The following NR1H4 variants were observed in gnomAD, a reference collection of about 807,000 sequenced individuals.
NR1H4 encodes bile acid receptor.
In NR1H4, 23 loss-of-function variants were observed where a neutral mutation model predicts 58.5. That is an observed-to-expected ratio of 0.39 (90% CI 0.28 to 0.56). NR1H4 has a LOEUF of 0.56. Among genes scored for constraint, NR1H4 ranks in the 20% least tolerant of loss-of-function variants. The pLI is 0.58. For missense variants in NR1H4, 487 were observed against 576.9 expected (o/e 0.84, Z 1.60); for synonymous variants, 214 against 198.0 (o/e 1.08, Z -0.68).
chr12:100,560,656 A>G (rs1955449664), intron 9 of NR1H4, among the ~76,000 whole-genome samples: 1 of 152,224 alleles, frequency 6.6e-6, no homozygotes, highest in Admixed American at 6.5e-5. Context: ...CCGCGGCTTC[A>G]TTCTTGAAGT....
chr12:100,487,382 G>A (rs915537884), intron 1 of NR1H4, among the ~76,000 whole-genome samples: 2 of 152,084 alleles, frequency 1.3e-5, no homozygotes, highest in African/African-American at 4.8e-5. Flanking sequence ...ATGAAGGAAT[G>A]CTTAAAGTTG....
At chr12:100,516,858 C>A (rs887854906) in intron 4 of NR1H4, among the ~76,000 whole-genome samples, 1 of 152,138 alleles carries the variant, frequency 6.6e-6, no homozygotes, top group Non-Finnish European at 1.5e-5. Context: ...TAGTAATACA[C>A]TTATTAATTC....
chr12:100,541,920 T>C (rs1305383838), intron 9 of NR1H4, among the ~76,000 whole-genome samples: 1 of 152,144 alleles, frequency 6.6e-6, no homozygotes, highest in African/African-American at 2.4e-5. Context: ...TTTCTAAATA[T>C]ATGATTTCAT....
chr12:100,556,334 G>A (rs776361652), intron 9 of NR1H4, among the ~76,000 whole-genome samples: 24 of 151,812 alleles, frequency 1.6e-4, no homozygotes, highest in Non-Finnish European at 2.6e-4. Flanking sequence ...GGGCATGGTG[G>A]TGCATGCCTG....
chr12:100,520,616 G>A (rs1168891662), intron 4 of NR1H4, among the ~76,000 whole-genome samples: 1 of 152,116 alleles, frequency 6.6e-6, no homozygotes, highest in Non-Finnish European at 1.5e-5. Context: ...ATCTGCACCT[G>A]CAAACAATGA....
chr12:100,499,161 G>A (rs1327292117), intron 3 of NR1H4, among the ~76,000 whole-genome samples: 1 of 152,178 alleles, frequency 6.6e-6, no homozygotes, highest in Non-Finnish European at 1.5e-5. Context: ...TCAGTCAGAT[G>A]TTTTAAAATG....
Position 100,561,857 on chromosome 12 carries a change from G to A in NR1H4, c.1079-28G>A, listed in dbSNP as rs138376481. 1.5e-4 allele frequency: 136 copies of A among 919,994 alleles called. 1 individual carries two copies. In the African/African-American group the frequency reaches 1.8e-3, roughly 12 times the overall value. 57.0% of individuals were successfully genotyped at this position (919,994 alleles called of 1,614,324 possible). A position where few individuals can be genotyped will look rare whatever the true frequency, so the allele number is the denominator to read the frequency against. The stretch of plus-strand genomic sequence containing the variant: ...TACACTGTTTAGTCACTCAAAAATT[G>A]TATTATGATTGCAACTTTCCCCCAC... On this transcript the variant is annotated intron_variant, in intron 9 of 10. Coordinates refer to ENST00000392986, the MANE Select transcript of NR1H4 (RefSeq NM_001206979.2).
intron 4 of NR1H4, among the ~76,000 whole-genome samples, chr12:100,519,179 A>G (rs1234558889): frequency 2.0e-5 from 3 of 152,200 alleles, no homozygotes; most frequent in Non-Finnish European, 4.4e-5. Context: ...CCTATGTGAG[A>G]GAAATGTAAC....
chr12:100,536,662 T>C, intron 7 of NR1H4, 52 bp downstream of exon 7: 4 of 1,012,480 alleles, frequency 4.0e-6, no homozygotes, highest in Non-Finnish European at 6.2e-6. Context: ...TTTTCTGGAG[T>C]TTTTATTGCC....
At chr12:100,553,261 G>C (rs1955247378) in intron 9 of NR1H4, among the ~76,000 whole-genome samples, 1 of 152,154 alleles carries the variant, frequency 6.6e-6, no homozygotes, top group Non-Finnish European at 1.5e-5. Context: ...GCCTCCCAAA[G>C]TGCTGGGATT....
chr12:100,562,922 T>C lies in NR1H4; in HGVS notation c.1193-329T>C, dbSNP rs77009933. On this transcript the variant is annotated intron_variant, in intron 10 of 10. Transcript: ENST00000392986. Reference sequence around the variant, plus strand: ...TATTCAGCAGAACCTTCTAAAGTTATGTATGGATATGTCCTATGACCCAGT... The same window carrying C: ...TATTCAGCAGAACCTTCTAAAGTTACGTATGGATATGTCCTATGACCCAGT... Among the ~76,000 whole-genome samples the C allele has an allele frequency of 9.7e-4, 147 of 152,322 alleles. 3 individuals carry two copies. The East Asian group carries it at 0.028, about 29-fold the overall frequency.
chr12:100,499,201 G>C (rs930683025), intron 3 of NR1H4, among the ~76,000 whole-genome samples: 11 of 152,340 alleles, frequency 7.2e-5, no homozygotes, highest in Middle Eastern at 3.4e-3. Context: ...GCAGTTTGTA[G>C]AATATTTCTG....
At chr12:100,502,092 T>C (rs932472919) in intron 3 of NR1H4, among the ~76,000 whole-genome samples, 2 of 152,236 alleles carry the variant, frequency 1.3e-5, no homozygotes, top group Admixed American at 1.3e-4. Context: ...TAGCCACCTG[T>C]TGTGCTAAGC....
At position 100,510,957 on chromosome 12, in the gene NR1H4, G is replaced by A. The variant is rs750165978; in HGVS notation, c.259G>A (p.Glu87Lys). ...AGAGTGGTACTCTCCTGGAATATAT[G>A]AACTCAGGCGTATGCCAGCTGAGAC... ...PEEWYSPGIY[E>K]LRRMPAETLY... Residue 87 changes from glutamate to lysine, a missense_variant, in exon 4 of 11, where the codon GAA becomes AAA. Transcript: ENST00000392986. The A allele has an allele frequency of 2.5e-6, 4 of 1,614,242 alleles. No individual in the cohort carries two copies. Among genetic ancestry groups the A allele is most frequent in the Non-Finnish European group, 3.4e-6 (4 of 1,180,046 alleles).
At chr12:100,559,210 A>T (rs1955404092) in intron 9 of NR1H4, among the ~76,000 whole-genome samples, 3 of 152,222 alleles carry the variant, frequency 2.0e-5, no homozygotes, top group Admixed American at 2.0e-4. Flanking sequence ...GAGAGGTGAC[A>T]GCGTGCTGGC....
chr12:100,499,896 G>A (rs1478322096), intron 3 of NR1H4: 1 of 455,942 alleles, frequency 2.2e-6, no homozygotes, highest in Admixed American at 2.3e-5. Context: ...CTACCCTGTG[G>A]TCTTGGACAA....
At chr12:100,476,241 C>T (rs933033134) in intron 1 of NR1H4, among the ~76,000 whole-genome samples, 14 of 151,938 alleles carry the variant, frequency 9.2e-5, no homozygotes, top group Non-Finnish European at 1.8e-4. Flanking sequence ...CGGGGAGCGG[C>T]GAGGGGGGAC....
At chr12:100,519,292 C>T (rs973307436) in intron 4 of NR1H4, among the ~76,000 whole-genome samples, 2 of 152,030 alleles carry the variant, frequency 1.3e-5, no homozygotes, top group Non-Finnish European at 1.5e-5. Flanking sequence ...ATTCTTCTGG[C>T]GGTTTATCTA....
chr12:100,560,142 G>C (rs551961721), intron 9 of NR1H4, among the ~76,000 whole-genome samples: 82 of 152,316 alleles, frequency 5.4e-4, no homozygotes, highest in Non-Finnish European at 9.4e-4. Context: ...TAATCTGATG[G>C]GGACGTGGAG....
Sources: allele counts gnomAD v4.1 joint callset (sites outside exome capture counted in the v4.1 genomes callset), GRCh38; gene constraint gnomAD v4.1.1; transcripts MANE v1.5; gene names NCBI Gene and HGNC (gene_info 2026-07-23, HGNC 2026-07-21).